POC1A: variants seen among roughly 807,000 people sequenced by gnomAD.
POC1A encodes the protein POC1 centriolar protein A, also known as POC1 centriolar protein homolog A.
Under a neutral mutation model 47.8 loss-of-function variants are expected in POC1A, and 34 were observed. The ratio of observed to expected loss-of-function variants is 0.71; its 90% CI spans 0.54 to 0.95. The LOEUF (loss-of-function observed/expected upper bound fraction) is 0.95. Among genes scored for constraint, POC1A ranks in the 40% least tolerant of loss-of-function variants. The probability of loss-of-function intolerance (pLI) is 0.00; values close to 1 mark genes in which losing one functional copy is unlikely to be tolerated. For missense variants in POC1A, 466 were observed against 528.3 expected, an observed-to-expected ratio of 0.88 and a Z score of 1.16; for synonymous variants, 177 against 207.6, an observed-to-expected ratio of 0.85 and a Z score of 1.27.
At chr3:52,097,473 C>A (rs1702858629) in intron 9 of POC1A, among the ~76,000 whole-genome samples, 1 of 152,188 alleles carries the variant, frequency 6.6e-6, no homozygotes, top group Non-Finnish European at 1.5e-5. Context: ...GCCTTATGCA[C>A]AAAGGCTTCT....
At chr3:52,150,038 C>T (rs1270935394) in intron 2 of POC1A, 51 bp from the exon 3 acceptor site, 2 of 1,526,360 alleles carry the variant, frequency 1.3e-6, no homozygotes, top group Non-Finnish European at 1.8e-6. Flanking sequence ...GGCTTCAAGC[C>T]TCCACCAAGA....
chr3:52,145,769 C>T, intron 6 of POC1A, 77 bp downstream of exon 6: 2 of 938,268 alleles, frequency 2.1e-6, no homozygotes, highest in Non-Finnish European at 3.4e-6. Context: ...TTAAGCACTA[C>T]AGCACAGGAC....
At chr3:52,125,226 C>T (rs1703952405) in intron 7 of POC1A, 45 bp from the exon 8 acceptor site, 1 of 1,443,374 alleles carries the variant, frequency 6.9e-7, no homozygotes, top group South Asian at 1.2e-5. Context: ...GGTCATTCTC[C>T]ATTCTAAATG....
chr3:52,101,163 G>A lies in POC1A; in HGVS notation c.982-4451C>T, dbSNP rs760867038. Among the ~76,000 whole-genome samples the A allele has an allele frequency of 2.7e-5, 4 of 150,752 alleles. No homozygotes were observed. In the East Asian group the frequency reaches 7.8e-4, roughly 29 times the overall value. On this transcript the variant is annotated intron_variant, in intron 9 of 10. Transcript: ENST00000296484. ...CAGCCTATCTAGGGAGGAGGGCCAA[G>A]AACATGGAAAAAAGCATGCCCCTCT...
intron 7 of POC1A, among the ~76,000 whole-genome samples, chr3:52,131,525 C>T (rs1704209577): frequency 6.6e-6 from 1 of 152,206 alleles, no homozygotes; most frequent in Non-Finnish European, 1.5e-5. Flanking sequence ...AGGGCACTGG[C>T]ACCAGTGCCA....
At chr3:52,100,368 T>A (rs1303168667) in intron 9 of POC1A, among the ~76,000 whole-genome samples, 2 of 152,194 alleles carry the variant, frequency 1.3e-5, no homozygotes, top group East Asian at 3.8e-4. Flanking sequence ...CAAGTATGGA[T>A]AAGGAGCTGC....
intron 10 of POC1A, among the ~76,000 whole-genome samples, chr3:52,088,669 CCT>C (rs1479761798): frequency 1.3e-5 from 2 of 152,046 alleles, no homozygotes; most frequent in African/African-American, 4.8e-5. Context: ...AACACAGGCC[CCT>C]TTCTTGTGGC....
chr3:52,096,458 G>A (rs1421916723), intron 10 of POC1A, 111 bp downstream of exon 10: 12 of 960,254 alleles, frequency 1.2e-5, no homozygotes, highest in East Asian at 5.5e-5. Flanking sequence ...AAACAGGTCC[G>A]TTATAATTAT....
At chr3:52,096,529 CAG>C in intron 10 of POC1A, 38 bp downstream of exon 10, 1 of 1,493,530 alleles carries the variant, frequency 6.7e-7, no homozygotes, top group East Asian at 2.5e-5. Flanking sequence ...GGACCAAGTG[CAG>C]ATGACGGGAT....
At chr3:52,080,620 A>G (rs2106924846) in intron 10 of POC1A, among the ~76,000 whole-genome samples, 1 of 152,322 alleles carries the variant, frequency 6.6e-6, no homozygotes, top group East Asian at 1.9e-4. Flanking sequence ...GAGCCATGAA[A>G]ACTCAATATT....
At position 52,084,850 on chromosome 3, in the gene POC1A, T is replaced by C. The variant is rs1702407962; in HGVS notation, c.1126-8865A>G. 6.6e-6 allele frequency among the ~76,000 whole-genome samples: 1 copy of C among 152,072 alleles called. No individual in the cohort carries two copies. The highest frequency in any genetic ancestry group is 2.4e-5 in the African/African-American group (1 of 41,398). On this transcript the variant is annotated intron_variant, in intron 10 of 10. Coordinates refer to ENST00000296484, the MANE Select transcript of POC1A (RefSeq NM_015426.5). This position sits in a 1 kb window ranked among gnomAD's most constrained non-coding sequence, Gnocchi z 4.3. Reference sequence around the variant, plus strand: ...AGCTGGAAGACAGGTGGCATGGAGGTGGACAGGGTGGTTGGGCCAGACTGA... The same window carrying C: ...AGCTGGAAGACAGGTGGCATGGAGGCGGACAGGGTGGTTGGGCCAGACTGA...
intron 9 of POC1A, among the ~76,000 whole-genome samples, chr3:52,118,332 G>C (rs1437736919): frequency 2.0e-5 from 3 of 152,212 alleles, no homozygotes; most frequent in Non-Finnish European, 4.4e-5. Flanking sequence ...GCCAAGAATA[G>C]AGGGAAAATG....
Position 52,079,010 on chromosome 3 carries a change from A to G in POC1A, c.1126-3025T>C, listed in dbSNP as rs1368785136. Among the ~76,000 whole-genome samples, 1 of 152,224 alleles carries G rather than the reference A, an allele frequency of 6.6e-6. No homozygotes were observed. The highest frequency in any genetic ancestry group is 1.5e-5 in the Non-Finnish European group (1 of 68,028). ...CCCAGAGCAGCCAGGACAGGCCATCACAGTGCCACCGTGCTTCCCCAGCTG... is the reference window on the plus strand; with the variant it reads ...CCCAGAGCAGCCAGGACAGGCCATCGCAGTGCCACCGTGCTTCCCCAGCTG... On this transcript the variant is annotated intron_variant, in intron 10 of 10. Coordinates refer to ENST00000296484, the MANE Select transcript of POC1A (RefSeq NM_015426.5). The surrounding 1 kb of genome is among the most constrained non-coding windows in gnomAD (Gnocchi z 4.6).
chr3:52,110,702 T>C (rs1484625878), intron 9 of POC1A, among the ~76,000 whole-genome samples: 1 of 152,182 alleles, frequency 6.6e-6, no homozygotes, highest in Non-Finnish European at 1.5e-5. Context: ...GTCATAGCAG[T>C]GGCCCCAGTG....
At chr3:52,134,620 A>T (rs1704370727) in intron 7 of POC1A, among the ~76,000 whole-genome samples, 1 of 152,180 alleles carries the variant, frequency 6.6e-6, no homozygotes, top group African/African-American at 2.4e-5. Flanking sequence ...CGACAGGGCG[A>T]AACTGTCTCT....
At chr3:52,083,991 G>A (rs1258321347) in intron 10 of POC1A, among the ~76,000 whole-genome samples, 1 of 152,232 alleles carries the variant, frequency 6.6e-6, no homozygotes, top group Non-Finnish European at 1.5e-5. Flanking sequence ...GCTCGAAACA[G>A]AAGGGAACAG....
At chr3:52,136,458 A>G (rs1704468874) in intron 7 of POC1A, among the ~76,000 whole-genome samples, 1 of 152,186 alleles carries the variant, frequency 6.6e-6, no homozygotes, top group Admixed American at 6.5e-5. Flanking sequence ...AAGCCCAGGA[A>G]GTAGAGCTAT....
rs956446339 is a variant in POC1A, at chr3:52,090,005, T to C, written c.1125+6564A>G. The stretch of plus-strand genomic sequence containing the variant: ...CAGGTTTAAGGTATCTCAAAGCAAA[T>C]AGGCCATTCTCTATCCCCAAAGCAA... On this transcript the variant is annotated intron_variant, in intron 10 of 10. Coordinates refer to ENST00000296484, the MANE Select transcript of POC1A (RefSeq NM_015426.5). This position sits in a 1 kb window ranked among gnomAD's most constrained non-coding sequence, Gnocchi z 4.2. 2.0e-5 allele frequency among the ~76,000 whole-genome samples: 3 copies of C among 152,006 alleles called. No homozygotes were observed. The highest frequency in any genetic ancestry group is 2.9e-5 in the Non-Finnish European group (2 of 68,018).
chr3:52,124,223 T>C (rs1703907716), intron 8 of POC1A, among the ~76,000 whole-genome samples: 1 of 152,212 alleles, frequency 6.6e-6, no homozygotes, highest in African/African-American at 2.4e-5. Flanking sequence ...CCTCCTTTCC[T>C]CATCAGGGGC....
Sources: allele counts gnomAD v4.1 joint callset (sites outside exome capture counted in the v4.1 genomes callset), GRCh38; gene constraint gnomAD v4.1.1; non-coding constraint Gnocchi (gnomAD v3.1); transcripts MANE v1.5; gene names NCBI Gene and HGNC (gene_info 2026-07-23, HGNC 2026-07-21).